Variants in POTEJ observed in about 807,000 individuals in gnomAD.
POTEJ encodes POTE ankyrin domain family member J.
POTEJ carries 11 observed loss-of-function variants against 69.0 expected under a neutral mutation model. The ratio of observed to expected loss-of-function variants is 0.16; its 90% CI spans 0.10 to 0.26. The LOEUF is 0.26. POTEJ is among the 10% of genes least tolerant of loss of function. The pLI is 1.00. For synonymous variants in POTEJ, 117 were observed against 381.1 expected (o/e 0.31, Z 8.07); for missense variants, 327 against 1,045.5 (o/e 0.31, Z 9.48).
At chr2:130,625,237 T>C (rs1231859255) in intron 6 of POTEJ, among the ~76,000 whole-genome samples, 2 of 152,264 alleles carry the variant, frequency 1.3e-5, no homozygotes, top group African/African-American at 4.8e-5. Context: ...TCTGTGCTTT[T>C]TCAACAGAAT....
intron 7 of POTEJ, among the ~76,000 whole-genome samples, chr2:130,630,533 A>C (rs1277943679): frequency 7.2e-6 from 1 of 139,742 alleles, no homozygotes; most frequent in Non-Finnish European, 1.5e-5. Context: ...GAAAATCTGC[A>C]GTTTTATATT....
At chr2:130,647,906 A>G (rs1332921464) in intron 13 of POTEJ, among the ~76,000 whole-genome samples, 1 of 145,440 alleles carries the variant, frequency 6.9e-6, no homozygotes, top group African/African-American at 2.6e-5. Context: ...TCCCTTTGAG[A>G]AAAGGATATA....
At chr2:130,635,441 A>G in intron 9 of POTEJ, among the ~76,000 whole-genome samples, 2 of 127,260 alleles carry the variant, frequency 1.6e-5, no homozygotes, top group African/African-American at 6.0e-5. Flanking sequence ...TGTTGGGATT[A>G]CAGGTGTGAG....
intron 6 of POTEJ, among the ~76,000 whole-genome samples, chr2:130,625,354 A>G (rs1244460573): frequency 6.6e-6 from 1 of 151,974 alleles, no homozygotes; most frequent in African/African-American, 2.4e-5. Flanking sequence ...GACCACAAAC[A>G]ATTAAAAATA....
chr2:130,636,554 C>A (rs1478890910), intron 9 of POTEJ, among the ~76,000 whole-genome samples: 2 of 147,384 alleles, frequency 1.4e-5, no homozygotes, highest in African/African-American at 5.0e-5. Context: ...CCATCAAACA[C>A]ATAAACATTT....
intron 14 of POTEJ, among the ~76,000 whole-genome samples, chr2:130,655,429 G>T (rs182914959): frequency 1.2e-4 from 18 of 152,352 alleles, no homozygotes; most frequent in Admixed American, 5.9e-4. Context: ...AGTAGGAAAT[G>T]TACAGCTGGG....
chr2:130,613,334 ATACATATATATG>A (rs1685301788), intron 1 of POTEJ, among the ~76,000 whole-genome samples: 2 of 130,032 alleles, frequency 1.5e-5, no homozygotes, highest in East Asian at 2.8e-4. Context: ...ATATGTATAT[ATACATATATATG>A]TGTGTGTATA....
intron 14 of POTEJ, among the ~76,000 whole-genome samples, chr2:130,656,249 G>T (rs1686982046): frequency 7.1e-6 from 1 of 141,492 alleles, no homozygotes; most frequent in African/African-American, 2.7e-5. Flanking sequence ...TTAATTCTGG[G>T]ATTCTTAAAA....
intron 9 of POTEJ, among the ~76,000 whole-genome samples, chr2:130,634,183 G>C (rs1369343783): frequency 6.6e-6 from 1 of 152,224 alleles, no homozygotes. Flanking sequence ...CTAATTTGCT[G>C]ACCCTTGTGC....
At chr2:130,627,035 G>A (rs555269273) in intron 6 of POTEJ, among the ~76,000 whole-genome samples, 2 of 152,278 alleles carry the variant, frequency 1.3e-5, no homozygotes, top group South Asian at 2.1e-4. Flanking sequence ...AAGCCTTGGG[G>A]GACAGAGAGA....
intron 6 of POTEJ, among the ~76,000 whole-genome samples, chr2:130,629,457 TTTG>T (rs1235272550): frequency 4.2e-5 from 6 of 141,808 alleles, no homozygotes; most frequent in Admixed American, 4.1e-4. Flanking sequence ...AGTAAAGGAT[TTTG>T]TTTTCTTAAC....
intron 6 of POTEJ, among the ~76,000 whole-genome samples, chr2:130,624,536 G>A (rs1685632965): frequency 1.3e-5 from 2 of 151,954 alleles, no homozygotes; most frequent in Non-Finnish European, 2.9e-5. Flanking sequence ...CTGACTGGAG[G>A]CAGAGTACAG....
intron 6 of POTEJ, among the ~76,000 whole-genome samples, chr2:130,624,816 T>G (rs1485387555): frequency 6.6e-6 from 1 of 152,094 alleles, no homozygotes; most frequent in Non-Finnish European, 1.5e-5. Context: ...CTGACTTCAT[T>G]CCTCCTCATT....
intron 10 of POTEJ, among the ~76,000 whole-genome samples, chr2:130,641,748 A>T (rs1346617234): frequency 2.0e-5 from 3 of 152,010 alleles, no homozygotes; most frequent in African/African-American, 7.3e-5. Context: ...TTCGTGTAGG[A>T]TATTTTGAGT....
At position 130,646,187 on chromosome 2, in the gene POTEJ, TC is replaced by T. The variant is rs1449216962; in HGVS notation, c.1547del (p.Pro516GlnfsTer4). Reference sequence around the variant, plus strand: ...AAGCACGGAAGTACTCACGTCGGATTCCCAGAAAACCTGACTAATGGTGCCA... The same window carrying T: ...AAGCACGGAAGTACTCACGTCGGATTCCAGAAAACCTGACTAATGGTGCCA... The part of the protein sequence containing the change: ...MKKHGSTHVG[F>X]PENLTNGATA... On this transcript the variant is annotated frameshift_variant, in exon 13 of 15. Transcript: ENST00000409602. LOFTEE classifies it high-confidence loss of function. 2.5e-6 allele frequency: 3 copies of T among 1,199,542 alleles called. 1 individual carries two copies. Among genetic ancestry groups the T allele is most frequent in the Non-Finnish European group, 3.3e-6 (3 of 905,220 alleles). 74.3% of individuals were successfully genotyped at this position (1,199,542 alleles called of 1,614,324 possible). A position where few individuals can be genotyped will look rare whatever the true frequency, so the allele number is the denominator to read the frequency against.
At chr2:130,626,610 A>G (rs1379014634) in intron 6 of POTEJ, among the ~76,000 whole-genome samples, 1 of 152,162 alleles carries the variant, frequency 6.6e-6, no homozygotes, top group Non-Finnish European at 1.5e-5. Flanking sequence ...CATAAGGCAG[A>G]TTGGATTTGG....
chr2:130,613,289 C>CATATATATACATATGT (rs1558915509), intron 1 of POTEJ, among the ~76,000 whole-genome samples: 2 of 87,662 alleles, frequency 2.3e-5, no homozygotes, highest in Non-Finnish European at 4.6e-5. Context: ...TGTATATATA[C>CATATATATACATATGT]ATATATATAC....
chr2:130,623,080 GA>G (rs1373492069), intron 5 of POTEJ: 1 of 141,238 alleles, frequency 7.1e-6, no homozygotes, highest in African/African-American at 2.9e-5. Flanking sequence ...GATGGTCTAT[GA>G]GATGACTTAG....
chr2:130,632,198 A>G (rs1287366900), intron 8 of POTEJ, among the ~76,000 whole-genome samples: 2 of 151,054 alleles, frequency 1.3e-5, no homozygotes, highest in Non-Finnish European at 2.9e-5. Flanking sequence ...CTGAAGAGTG[A>G]TTGAGAATAA....
Sources: gnomAD v4.1 joint callset for allele counts (sites outside exome capture counted in the v4.1 genomes callset) on GRCh38, gnomAD v4.1.1 for gene constraint, MANE v1.5 for transcripts, NCBI Gene and HGNC (gene_info 2026-07-23, HGNC 2026-07-21) for gene names.